Variants in ROR1 observed in about 807,000 individuals in gnomAD.
The protein encoded by ROR1 is inactive tyrosine-protein kinase transmembrane receptor ROR1.
Under a neutral mutation model 78.8 loss-of-function variants are expected in ROR1, and 19 were observed. The ratio of observed to expected loss-of-function variants is 0.24; its 90% CI spans 0.17 to 0.35. ROR1 has a LOEUF of 0.35. ROR1 is among the 10% of genes least tolerant of loss of function. The pLI, the probability that ROR1 is intolerant of heterozygous loss-of-function variation, is 1.00. For synonymous variants in ROR1, 386 were observed against 433.6 expected (o/e 0.89, Z 1.36); for missense variants, 917 against 1,177.8 (o/e 0.78, Z 3.24).
At chr1:63,978,797 AAT>A (rs1246265987) in intron 1 of ROR1, among the ~76,000 whole-genome samples, 1 of 152,212 alleles carries the variant, frequency 6.6e-6, no homozygotes, top group Non-Finnish European at 1.5e-5. Flanking sequence ...AAACAGAACC[AAT>A]ATATATAAAG....
Position 64,021,177 on chromosome 1 carries a change from C to T in ROR1, c.163+11801C>T, listed in dbSNP as rs565919833. 3.9e-5 allele frequency among the ~76,000 whole-genome samples: 6 copies of T among 152,238 alleles called. 1 individual carries two copies. The highest frequency in any genetic ancestry group is 9.6e-5 in the African/African-American group (4 of 41,544). On this transcript the variant is annotated intron_variant, in intron 2 of 8. Transcript: ENST00000371079. ...TCTGTGGGCCCAAAGTCAGACCAGACGAACTCTGGCCGTTGGACTATGGTT... is the reference window on the plus strand; with the variant it reads ...TCTGTGGGCCCAAAGTCAGACCAGATGAACTCTGGCCGTTGGACTATGGTT...
intron 4 of ROR1, chr1:64,111,237 A>G (rs530392911): frequency 6.6e-6 from 1 of 152,330 alleles, no homozygotes; most frequent in Admixed American, 6.5e-5. Context: ...CCATGCTGCC[A>G]TCTGACAGGA....
chr1:64,143,373 A>G (rs1417728772), intron 7 of ROR1: 5 of 981,216 alleles, frequency 5.1e-6, no homozygotes, highest in Non-Finnish European at 6.0e-6. Context: ...AAAAGAAAAA[A>G]AAAAAAAGAA....
chr1:63,774,708 C>A lies in ROR1; in HGVS notation c.91+200C>A, dbSNP rs1191627941. 2.6e-5 allele frequency among the ~76,000 whole-genome samples: 4 copies of A among 151,326 alleles called. No homozygotes were observed. Among genetic ancestry groups the A allele is most frequent in the African/African-American group, 7.3e-5 (3 of 41,296 alleles). The stretch of plus-strand genomic sequence containing the variant: ...GCCAGGCCAGGGTTTGCCCCGGAGC[C>A]CCGCGGCGGGCCGGGGCGCGCCCAG... On this transcript the variant is annotated intron_variant, in intron 1 of 8. Coordinates refer to ENST00000371079, the MANE Select transcript of ROR1 (RefSeq NM_005012.4). This position sits in a 1 kb window ranked among gnomAD's most constrained non-coding sequence, Gnocchi z 5.7.
intron 1 of ROR1, among the ~76,000 whole-genome samples, chr1:63,790,014 T>C (rs1166945276): frequency 1.3e-5 from 2 of 152,174 alleles, no homozygotes; most frequent in African/African-American, 4.8e-5. Flanking sequence ...CCCCCACCCA[T>C]CAGCTACAGT....
chr1:63,853,129 C>T (rs1645124601), intron 1 of ROR1, among the ~76,000 whole-genome samples: 2 of 152,130 alleles, frequency 1.3e-5, no homozygotes, highest in African/African-American at 4.8e-5. Context: ...GATTTAACCT[C>T]AAGACACTAA....
intron 1 of ROR1, among the ~76,000 whole-genome samples, chr1:63,780,090 A>G (rs913010455): frequency 6.6e-6 from 1 of 152,200 alleles, no homozygotes; most frequent in Non-Finnish European, 1.5e-5. Context: ...AAAAGCTGTT[A>G]TGAAATACTG....
chr1:64,171,180 G>T, intron 8 of ROR1: 1 of 176,350 alleles, frequency 5.7e-6, no homozygotes, highest in Non-Finnish European at 1.1e-5. Context: ...ACCTGAGACT[G>T]GGAAGAAAAA....
intron 1 of ROR1, among the ~76,000 whole-genome samples, chr1:63,946,264 C>T (rs2100463595): frequency 6.6e-6 from 1 of 152,242 alleles, no homozygotes; most frequent in Non-Finnish European, 1.5e-5. Flanking sequence ...TGCTTTACTG[C>T]CAAGGGGACT....
At chr1:64,136,303 C>T (rs1005996536) in intron 4 of ROR1, among the ~76,000 whole-genome samples, 17 of 151,090 alleles carry the variant, frequency 1.1e-4, no homozygotes, top group Non-Finnish European at 2.2e-4. Context: ...GTTCTCCTGA[C>T]TTTGCTCTGA....
At chr1:63,912,124 CA>C (rs34115831) in intron 1 of ROR1, among the ~76,000 whole-genome samples, 70,000 of 122,990 alleles carry the variant, frequency 0.57, 21,021 homozygotes, top group East Asian at 0.85. Context: ...CCCATCTTTA[CA>C]AAAAAAAAAA....
intron 1 of ROR1, among the ~76,000 whole-genome samples, chr1:63,817,640 T>TG (rs1180343758): frequency 6.6e-6 from 1 of 152,136 alleles, no homozygotes; most frequent in Non-Finnish European, 1.5e-5. Context: ...GATGGGGCTT[T>TG]GGGGGCTGCA....
In ROR1 at chr1:64,124,167, G is replaced by T. The variant is rs982850850; in HGVS notation, c.483-13202G>T. On this transcript the variant is annotated intron_variant, in intron 4 of 8. Transcript: ENST00000371079. ...TAACCTTAATTATCTGTGGTTTGTG[G>T]ATGTAGATGATTTTAATTCCCTTCT... Among the ~76,000 whole-genome samples, 21 of 152,222 alleles carry T rather than the reference G, an allele frequency of 1.4e-4. 1 individual carries two copies. The highest frequency in any genetic ancestry group is 4.8e-4 in the African/African-American group (20 of 41,534).
chr1:64,137,352 T>C lies in ROR1; in HGVS notation c.483-17T>C. 6.2e-7 allele frequency: 1 copy of C among 1,613,712 alleles called. No homozygotes were observed. The highest frequency in any genetic ancestry group is 8.5e-7 in the Non-Finnish European group (1 of 1,179,752). On this transcript the variant is annotated splice_polypyrimidine_tract_variant and intron_variant, in intron 4 of 8. Coordinates refer to ENST00000371079, the MANE Select transcript of ROR1 (RefSeq NM_005012.4). ...TATGTGGTGCATCAGCTAATGTCTG[T>C]CTATGCTTTCTTTCAGAGATGAGTA...
At chr1:63,795,452 G>A (rs548355389) in intron 1 of ROR1, among the ~76,000 whole-genome samples, 2 of 152,240 alleles carry the variant, frequency 1.3e-5, no homozygotes, top group African/African-American at 2.4e-5. Flanking sequence ...AAATCCTGTC[G>A]AAACCTTGAA....
At chr1:63,852,870 T>G (rs1160282895) in intron 1 of ROR1, among the ~76,000 whole-genome samples, 1 of 152,226 alleles carries the variant, frequency 6.6e-6, no homozygotes, top group Non-Finnish European at 1.5e-5. Context: ...GGAGAAAGTA[T>G]GATACTCTTA....
In ROR1 at chr1:64,137,507, C is replaced by T. The variant is rs1649155461; in HGVS notation, c.610+11C>T. Reference sequence around the variant, plus strand: ...AAAATCAGATCACAGGTAGGTAGCACCAATGAAATTATATTTGTCCCTTGA... The same window carrying T: ...AAAATCAGATCACAGGTAGGTAGCATCAATGAAATTATATTTGTCCCTTGA... On this transcript the variant is annotated intron_variant, in intron 5 of 8. Transcript: ENST00000371079. 1 of 1,606,752 alleles carries T rather than the reference C, an allele frequency of 6.2e-7. No individual in the cohort carries two copies. Among genetic ancestry groups the T allele is most frequent in the African/African-American group, 1.3e-5 (1 of 74,594 alleles).
chr1:64,095,203 T>G (rs969636509), intron 4 of ROR1: 1 of 152,182 alleles, frequency 6.6e-6, no homozygotes, highest in African/African-American at 2.4e-5. Context: ...GACTTCTCCC[T>G]GCTGGACAGA....
chr1:64,166,564 A>T (rs931345874), intron 8 of ROR1, among the ~76,000 whole-genome samples: 4 of 150,614 alleles, frequency 2.7e-5, no homozygotes, highest in African/African-American at 1.0e-4. Flanking sequence ...TCTTTTAATG[A>T]AGCAAATGCT....
Sources: allele counts gnomAD v4.1 joint callset (sites outside exome capture counted in the v4.1 genomes callset), GRCh38; gene constraint gnomAD v4.1.1; non-coding constraint Gnocchi (gnomAD v3.1); transcripts MANE v1.5; gene names NCBI Gene and HGNC (gene_info 2026-07-23, HGNC 2026-07-21).